ERMP1: variants seen among roughly 807,000 people sequenced by gnomAD.
ERMP1 encodes the protein endoplasmic reticulum metallopeptidase 1.
ERMP1 carries 86 observed loss-of-function variants against 92.0 expected under a neutral mutation model. The observed-to-expected ratio is 0.93, with a 90% CI of 0.79 to 1.12. The LOEUF is 1.12. ERMP1 is among the 50% of genes most tolerant of loss of function. The pLI is 0.00. For synonymous variants in ERMP1, 530 were observed against 412.8 expected (o/e 1.28, Z -3.44); for missense variants, 1,342 against 1,116.3 (o/e 1.20, Z -2.88).
intron 5 of ERMP1, among the ~76,000 whole-genome samples, chr9:5,863,066 A>T (rs1830550486): frequency 6.6e-6 from 1 of 152,210 alleles, no homozygotes; most frequent in African/African-American, 2.4e-5. Flanking sequence ...TCCTGGGGCA[A>T]TGGAAATACC....
chr9:5,862,180 C>G (rs1830519793), intron 5 of ERMP1, among the ~76,000 whole-genome samples: 1 of 152,070 alleles, frequency 6.6e-6, no homozygotes, highest in Admixed American at 6.5e-5. Context: ...CAGGTGTGTG[C>G]CACCATGCCT....
rs372996306 is a variant in ERMP1 at position 5,787,009 on chromosome 9, G to A, written c.*135C>T. ...CTTATAGTGCTTGGCCCTGAAAAGC[G>A]TTAACCCAGAAAGCTCTTTGAACAT... On this transcript the variant is annotated 3_prime_UTR_variant, in exon 15 of 15. Transcript: ENST00000339450. 1.3e-4 allele frequency: 118 copies of A among 896,404 alleles called. No individual in the cohort carries two copies. The highest frequency in any genetic ancestry group is 9.5e-4 in the East Asian group (35 of 36,674). 55.5% of individuals were successfully genotyped at this position (896,404 alleles called of 1,614,324 possible). A position where few individuals can be genotyped will look rare whatever the true frequency, so the allele number is the denominator to read the frequency against.
At chr9:5,858,412 C>T (rs1830410913) in intron 6 of ERMP1, among the ~76,000 whole-genome samples, 1 of 152,172 alleles carries the variant, frequency 6.6e-6, no homozygotes, top group South Asian at 2.1e-4. Context: ...GGCATGCAAA[C>T]AAGAGCCAGA....
intron 4 of ERMP1, among the ~76,000 whole-genome samples, chr9:5,819,550 T>C (rs1484379221): frequency 2.0e-5 from 3 of 152,200 alleles, no homozygotes; most frequent in Non-Finnish European, 2.9e-5. Context: ...CAAGGATAAT[T>C]ATCCCTAAAA....
rs867531878 is a variant in ERMP1 at position 5,823,999 on chromosome 9, G to A, written c.771C>T (p.Ala257=). The A allele has an allele frequency of 6.2e-7, 1 of 1,606,466 alleles. No homozygotes were observed. Among genetic ancestry groups the A allele is most frequent in the East Asian group, 2.2e-5 (1 of 44,840 alleles). Residue 257 remains alanine, a splice_region_variant and synonymous_variant, in exon 4 of 15, where the codon GCC becomes GCT. Coordinates refer to ENST00000339450, the MANE Select transcript of ERMP1 (RefSeq NM_024896.3). ...GGTGCTGAGTAATGAAACCATGACTGGCCTTAAAGAGAAGGAAAGAAAACA... is the reference window on the plus strand; with the variant it reads ...GGTGCTGAGTAATGAAACCATGACTAGCCTTAAAGAGAAGGAAAGAAAACA... ...FNGAEENVLQ[A]SHGFITQHPW... is the part of the protein sequence containing the mutation.
intron 6 of ERMP1, among the ~76,000 whole-genome samples, chr9:5,845,043 T>C (rs1830218112): frequency 6.6e-6 from 1 of 152,056 alleles, no homozygotes; most frequent in Non-Finnish European, 1.5e-5. Context: ...CAGCTCTTCC[T>C]TGGGGCAGTA....
At chr9:5,791,128 C>A in intron 13 of ERMP1, 1 of 425,194 alleles carries the variant, frequency 2.4e-6, no homozygotes, top group South Asian at 1.7e-5. Flanking sequence ...TTGAAGTGAA[C>A]TTCCTATATT....
At chr9:5,837,177 T>C (rs555064843), upstream of ERMP1, among the ~76,000 whole-genome samples, 1 of 152,070 alleles carries the variant, frequency 6.6e-6, no homozygotes, top group Non-Finnish European at 1.5e-5. Flanking sequence ...TAGAGACAGG[T>C]TCTAACTATG....
chr9:5,795,799 G>C (rs1235609954), intron 13 of ERMP1, among the ~76,000 whole-genome samples: 1 of 151,722 alleles, frequency 6.6e-6, no homozygotes, highest in Non-Finnish European at 1.5e-5. Flanking sequence ...AAAAAGAAAA[G>C]AAAATCTTCT....
chr9:5,858,774 A>G (rs767659820), intron 6 of ERMP1, among the ~76,000 whole-genome samples: 1 of 152,022 alleles, frequency 6.6e-6, no homozygotes, highest in African/African-American at 2.4e-5. Flanking sequence ...CAATGCACAC[A>G]CTCTCCCAGT....
intron 6 of ERMP1, 107 bp from the exon 7 acceptor site, chr9:5,811,430 T>C (rs773321148): frequency 1.3e-6 from 1 of 793,554 alleles, no homozygotes; most frequent in Non-Finnish European, 2.0e-6. Flanking sequence ...AAATAAACCA[T>C]ATACTGTTTG....
In ERMP1 at chr9:5,785,750, C is replaced by T. The variant is rs1184747983; in HGVS notation, c.*1394G>A. ...CAAGAGCATTCCTCTCTCATTTCCT[C>T]CATCACCCAAGATAAATCTAGCCAC... On this transcript the variant is annotated 3_prime_UTR_variant, in exon 15 of 15. Coordinates refer to ENST00000339450, the MANE Select transcript of ERMP1 (RefSeq NM_024896.3). 1 of 152,510 alleles carries T rather than the reference C, an allele frequency of 6.6e-6. No individual in the cohort carries two copies. Among genetic ancestry groups the T allele is most frequent in the Non-Finnish European group, 1.5e-5 (1 of 68,038 alleles). The allele number at this position is 152,510 out of a possible 1,614,324, so 9.4% of individuals were successfully genotyped here. A position where few individuals can be genotyped will look rare whatever the true frequency, so the allele number is the denominator to read the frequency against.
intron 13 of ERMP1, among the ~76,000 whole-genome samples, chr9:5,788,398 A>G (rs1745887): frequency 0.051 from 7,718 of 152,256 alleles, 609 homozygotes; most frequent in African/African-American, 0.17. Flanking sequence ...TTCAAAACCA[A>G]AGCTTCTCAG....
intron 2 of ERMP1, among the ~76,000 whole-genome samples, chr9:5,826,979 T>C (rs757953151): frequency 1.2e-4 from 19 of 152,196 alleles, no homozygotes; most frequent in Non-Finnish European, 2.2e-4. Flanking sequence ...GGACAGTATC[T>C]ATAAGGGCTA....
chr9:5,863,095 C>G (rs905337799), intron 5 of ERMP1, among the ~76,000 whole-genome samples: 1 of 152,188 alleles, frequency 6.6e-6, no homozygotes, highest in African/African-American at 2.4e-5. Flanking sequence ...CCAATAATTA[C>G]AGCAGCAAGA....
At chr9:5,828,814 G>C (rs1009723976) in intron 2 of ERMP1, among the ~76,000 whole-genome samples, 1 of 152,168 alleles carries the variant, frequency 6.6e-6, no homozygotes, top group African/African-American at 2.4e-5. Context: ...TACATTTGCT[G>C]CTAATTCTTG....
intron 4 of ERMP1, among the ~76,000 whole-genome samples, chr9:5,821,056 A>C (rs1349200900): frequency 6.6e-6 from 1 of 152,244 alleles, no homozygotes; most frequent in Non-Finnish European, 1.5e-5. Flanking sequence ...AATCTCTTCA[A>C]ATCTTTTGTA....
intron 13 of ERMP1, among the ~76,000 whole-genome samples, chr9:5,788,737 G>A (rs532012378): frequency 1.3e-5 from 2 of 152,060 alleles, no homozygotes; most frequent in South Asian, 2.1e-4. Flanking sequence ...AGGAGAAAAT[G>A]TTATAATCAC....
chr9:5,824,842 C>T (rs924182242), intron 3 of ERMP1, among the ~76,000 whole-genome samples: 3 of 152,242 alleles, frequency 2.0e-5, no homozygotes, highest in East Asian at 1.9e-4. Context: ...ATTATGCCAG[C>T]GAGAGCCCTT....
Sources: allele counts gnomAD v4.1 joint callset (sites outside exome capture counted in the v4.1 genomes callset), GRCh38; gene constraint gnomAD v4.1.1; transcripts MANE v1.5; gene names NCBI Gene and HGNC (gene_info 2026-07-23, HGNC 2026-07-21).